The following HMCN1 variants were observed in gnomAD, a reference collection of about 807,000 sequenced individuals.
HMCN1 encodes hemicentin 1.
A neutral mutation model predicts 625.9 loss-of-function variants in HMCN1; 321 were observed. That is an observed-to-expected ratio of 0.51 (90% CI 0.47 to 0.56). The LOEUF is 0.56. HMCN1 is among the 20% of genes least tolerant of loss of function. The pLI is 0.00. For missense variants in HMCN1, 6,588 were observed against 6,887.3 expected, an observed-to-expected ratio of 0.96 and a Z score of 1.54; for synonymous variants, 2,425 against 2,417.6, an observed-to-expected ratio of 1.00 and a Z score of -0.09.
At chr1:185,977,009 G>T (rs1243239773) in intron 15 of HMCN1, among the ~76,000 whole-genome samples, 5 of 151,818 alleles carry the variant, frequency 3.3e-5, no homozygotes, top group African/African-American at 1.2e-4. Flanking sequence ...CCCTAAACAG[G>T]ATTCCTATGT....
intron 1 of HMCN1, among the ~76,000 whole-genome samples, chr1:185,831,376 G>A (rs540303144): frequency 6.6e-6 from 1 of 152,018 alleles, no homozygotes; most frequent in East Asian, 1.9e-4. Context: ...CTATTAACAG[G>A]GAATAGATAT....
At chr1:185,920,836 T>TCAG (rs1437582407) in intron 6 of HMCN1, among the ~76,000 whole-genome samples, 1 of 152,156 alleles carries the variant, frequency 6.6e-6, no homozygotes, top group Non-Finnish European at 1.5e-5. Context: ...TGTTTCATCA[T>TCAG]AAGGGACTTT....
chr1:185,856,528 A>C (rs1227558455), intron 2 of HMCN1, among the ~76,000 whole-genome samples: 1 of 151,692 alleles, frequency 6.6e-6, no homozygotes, highest in Non-Finnish European at 1.5e-5. Context: ...GTTCAGCTTG[A>C]AACTGAGTTG....
chr1:186,128,081 G>T lies in HMCN1; in HGVS notation c.12694G>T (p.Glu4232Ter). The T allele has an allele frequency of 6.2e-7, 1 of 1,612,984 alleles. No individual in the cohort carries two copies. Among genetic ancestry groups the T allele is most frequent in the African/African-American group, 1.3e-5 (1 of 74,964 alleles). The change falls in exon 83 of 107, where the codon GAG becomes TAG. Residue 4232 changes from glutamate (E) to a stop codon, truncating the protein, a stop_gained. Coordinates refer to ENST00000271588, the MANE Select transcript of HMCN1 (RefSeq NM_031935.3). LOFTEE classifies it high-confidence loss of function. ...GELILENVVLEDSGFYTCVAN... is the reference protein window; with the variant it reads ...GELILENVVL Reference sequence around the variant, plus strand: ...ATGTTACTTTTTTTAATTTTAGCTGGAGGATTCTGGCTTCTATACCTGTGT... The same window carrying T: ...ATGTTACTTTTTTTAATTTTAGCTGTAGGATTCTGGCTTCTATACCTGTGT...
At chr1:185,772,068 A>G (rs1242134599) in intron 1 of HMCN1, among the ~76,000 whole-genome samples, 1 of 152,202 alleles carries the variant, frequency 6.6e-6, no homozygotes. Flanking sequence ...CAAGTTACCA[A>G]TGTATGAAAT....
At chr1:186,146,123 T>G (rs1343812402) in intron 93 of HMCN1, among the ~76,000 whole-genome samples, 200 bp downstream of exon 93, 1 of 152,052 alleles carries the variant, frequency 6.6e-6, no homozygotes, top group Non-Finnish European at 1.5e-5. Context: ...CCTTCCAGGC[T>G]TCCTGGTAAA....
intron 36 of HMCN1, among the ~76,000 whole-genome samples, chr1:186,033,843 C>G (rs1346383269): frequency 1.3e-5 from 2 of 151,854 alleles, no homozygotes. Flanking sequence ...TTTGGCAACT[C>G]TGGAAATCAT....
At chr1:185,735,095 T>TTA (rs1653468170) in intron 1 of HMCN1, 48 bp downstream of exon 1, 2 of 1,556,422 alleles carry the variant, frequency 1.3e-6, no homozygotes, top group Admixed American at 3.3e-5. Context: ...CATGATTACA[T>TTA]TATTTCTCAT....
chr1:186,117,686 C>T, intron 77 of HMCN1, 63 bp downstream of exon 77: 1 of 1,477,296 alleles, frequency 6.8e-7, no homozygotes, highest in African/African-American at 1.4e-5. Context: ...CATATTCTTA[C>T]CTGGCCTTTG....
chr1:186,154,746 C>T (rs1650886365), intron 97 of HMCN1, among the ~76,000 whole-genome samples: 1 of 152,132 alleles, frequency 6.6e-6, no homozygotes. Flanking sequence ...TTCCAACTGT[C>T]ATTTCTTGTT....
At chr1:186,063,457 G>GGAAGGAAA (rs1426532070) in intron 48 of HMCN1, among the ~76,000 whole-genome samples, 7 of 12,846 alleles carry the variant, frequency 5.4e-4, no homozygotes, top group Admixed American at 1.0e-3. Flanking sequence ...AGAGAAGGAA[G>GGAAGGAAA]GAAGGAAGGA....
intron 36 of HMCN1, among the ~76,000 whole-genome samples, chr1:186,024,927 A>G (rs1654962962): frequency 2.0e-5 from 3 of 152,314 alleles, no homozygotes; most frequent in South Asian, 4.1e-4. Flanking sequence ...ATTCAAGTCC[A>G]TGACATTTAT....
At chr1:186,039,651 A>C in intron 38 of HMCN1, 77 bp from the exon 39 acceptor site, 5 of 1,431,510 alleles carry the variant, frequency 3.5e-6, no homozygotes, top group African/African-American at 1.4e-5. Flanking sequence ...TATTGTAGAC[A>C]TTAGATGTAG....
rs1667665303 is a variant in HMCN1, at chr1:185,933,639, A to G, written c.1643A>G (p.Asp548Gly). The change falls in exon 11 of 107, where the codon GAT (aspartate) becomes GGT (glycine). Residue 548 changes from aspartate to glycine, a missense_variant. By Grantham distance (94) the Asp-to-Gly change is moderately conservative. This residue lies in a region of HMCN1 where 4,628 missense variants were observed against 4,853.1 expected (regional missense o/e 0.95). Coordinates refer to ENST00000271588, the MANE Select transcript of HMCN1 (RefSeq NM_031935.3). The stretch of plus-strand genomic sequence containing the variant: ...ACATGTCTCATCATCAGTGCGGTGG[A>G]TTACAATCTAACCTGGCAGAGGAAT... Reference protein sequence around the residue: ...VLTCLIISAVDYNLTWQRNDR... With the variant: ...VLTCLIISAVGYNLTWQRNDR... 6.2e-7 allele frequency: 1 copy of G among 1,614,040 alleles called. No individual in the cohort carries two copies. Among genetic ancestry groups the G allele is most frequent in the Non-Finnish European group, 8.5e-7 (1 of 1,179,956 alleles).
intron 11 of HMCN1, among the ~76,000 whole-genome samples, chr1:185,949,741 G>T (rs1668543193): frequency 6.6e-6 from 1 of 151,884 alleles, no homozygotes; most frequent in African/African-American, 2.4e-5. Context: ...CCTATCCAGT[G>T]AAAGTATCTG....
intron 29 of HMCN1, among the ~76,000 whole-genome samples, chr1:186,005,104 AT>A (rs1440363056): frequency 6.6e-6 from 1 of 150,542 alleles, no homozygotes; most frequent in Non-Finnish European, 1.5e-5. Flanking sequence ...AATTGTTTAA[AT>A]TGTTTATAAA....
intron 71 of HMCN1, among the ~76,000 whole-genome samples, chr1:186,111,135 C>T (rs908611062): frequency 1.3e-5 from 2 of 150,534 alleles, no homozygotes; most frequent in Non-Finnish European, 3.0e-5. Flanking sequence ...CACCCACCAC[C>T]AGGCCCGGCT....
chr1:186,119,742 T>C lies in HMCN1; in HGVS notation c.11957-3T>C. 6.2e-7 allele frequency: 1 copy of C among 1,613,898 alleles called. No individual in the cohort carries two copies. Among genetic ancestry groups the C allele is most frequent in the Non-Finnish European group, 8.5e-7 (1 of 1,179,838 alleles). On this transcript the variant is annotated splice_region_variant and splice_polypyrimidine_tract_variant and intron_variant, in intron 78 of 106. Transcript: ENST00000271588. The stretch of plus-strand genomic sequence containing the variant: ...TTCTTTTTGTTGATTGGTTTTTTTA[T>C]AGAGCCTCCAGTCATTCAGCCCCAA...
intron 57 of HMCN1, among the ~76,000 whole-genome samples, chr1:186,085,291 C>G (rs1659402362): frequency 6.6e-6 from 1 of 152,060 alleles, no homozygotes; most frequent in Admixed American, 6.6e-5. Flanking sequence ...ATTTATTTTC[C>G]CAAAGTTCTG....
Sources: gnomAD v4.1 joint callset for allele counts (sites outside exome capture counted in the v4.1 genomes callset) on GRCh38, gnomAD v4.1.1 for gene constraint, gnomAD v4.1.1 regional missense constraint, MANE v1.5 for transcripts, NCBI Gene and HGNC (gene_info 2026-07-23, HGNC 2026-07-21) for gene names.